Variants in MGST1 observed in about 807,000 individuals in gnomAD.
MGST1 encodes microsomal glutathione S-transferase 1.
A neutral mutation model predicts 8.9 loss-of-function variants in MGST1; 5 were observed. The ratio of observed to expected loss-of-function variants is 0.56; its 90% confidence interval spans 0.29 to 1.19. The LOEUF (loss-of-function observed/expected upper bound fraction) is 1.19. MGST1 is among the 50% of genes most tolerant of loss of function. MGST1 has a pLI of 0.08. For synonymous variants in MGST1, 54 were observed against 67.8 expected (o/e 0.80, Z 1.00); for missense variants, 182 against 187.4 (o/e 0.97, Z 0.17).
chr12:16,420,360 C>T (rs554577243), intron 1 of MGST1, among the ~76,000 whole-genome samples: 1 of 152,288 alleles, frequency 6.6e-6, no homozygotes, highest in South Asian at 2.1e-4. Context: ...ACACACATTA[C>T]TTGGCATGAA....
chr12:16,393,436 C>T (rs898178155), intron 1 of MGST1, among the ~76,000 whole-genome samples: 2 of 152,164 alleles, frequency 1.3e-5, no homozygotes, highest in Admixed American at 1.3e-4. Context: ...AAACCTGCAA[C>T]GAGAGGCTGC....
intron 4 of MGST1, among the ~76,000 whole-genome samples, chr12:16,583,593 T>C (rs1023660762): frequency 2.6e-5 from 4 of 152,004 alleles, no homozygotes; most frequent in African/African-American, 9.7e-5. Flanking sequence ...TAAAGATAAA[T>C]GGAAAAGCAG....
chr12:16,498,710 C>G (rs1467450032), intron 4 of MGST1, among the ~76,000 whole-genome samples: 3 of 152,108 alleles, frequency 2.0e-5, no homozygotes, highest in African/African-American at 7.2e-5. Flanking sequence ...TTTCCATGAT[C>G]AAATGATATG....
At chr12:16,501,979 T>C (rs151025539) in intron 4 of MGST1, among the ~76,000 whole-genome samples, 10 of 152,258 alleles carry the variant, frequency 6.6e-5, no homozygotes, top group African/African-American at 2.4e-4. Context: ...ATAAACTTTA[T>C]CAATATTTAA....
intron 1 of MGST1, chr12:16,349,070 A>G (rs890294660): frequency 1.3e-5 from 2 of 152,174 alleles, no homozygotes. Context: ...CGATGCCTTC[A>G]GGAAATGCTA....
intron 3 of MGST1, among the ~76,000 whole-genome samples, chr12:16,358,078 A>C (rs1306063136): frequency 6.6e-6 from 1 of 152,226 alleles, no homozygotes; most frequent in Non-Finnish European, 1.5e-5. Flanking sequence ...CATAAGATTC[A>C]AAATAAGAAT....
chr12:16,542,380 G>A (rs530697865), intron 4 of MGST1, among the ~76,000 whole-genome samples: 8 of 152,254 alleles, frequency 5.3e-5, no homozygotes, highest in African/African-American at 1.9e-4. Flanking sequence ...GTCCTTAAAA[G>A]CCCAAAGAAT....
At chr12:16,383,811 TATC>T (rs1007807649) in intron 1 of MGST1, among the ~76,000 whole-genome samples, 3 of 152,232 alleles carry the variant, frequency 2.0e-5, no homozygotes, top group Non-Finnish European at 4.4e-5. Context: ...GTGGGGACAA[TATC>T]ATAATATAAC....
chr12:16,526,852 A>T (rs1211285169), intron 4 of MGST1, among the ~76,000 whole-genome samples: 1 of 151,996 alleles, frequency 6.6e-6, no homozygotes, highest in African/African-American at 2.4e-5. Context: ...CCTGGGTCAG[A>T]GTCAGGGCTG....
intron 1 of MGST1, among the ~76,000 whole-genome samples, chr12:16,425,692 C>T (rs1417710166): frequency 6.6e-6 from 1 of 152,192 alleles, no homozygotes; most frequent in Non-Finnish European, 1.5e-5. Context: ...GAAAAGGCAG[C>T]TGCTCAAGAA....
At chr12:16,405,647 T>G (rs1047263363) in intron 1 of MGST1, among the ~76,000 whole-genome samples, 6 of 152,116 alleles carry the variant, frequency 3.9e-5, no homozygotes, top group Non-Finnish European at 5.9e-5. Flanking sequence ...TGATGAACAT[T>G]GAGCAAAAAT....
intron 1 of MGST1, among the ~76,000 whole-genome samples, chr12:16,421,334 C>T (rs753045301): frequency 1.3e-5 from 2 of 152,124 alleles, no homozygotes; most frequent in African/African-American, 2.4e-5. Context: ...CCTGATGTAA[C>T]CCAGTAACAG....
intron 4 of MGST1, among the ~76,000 whole-genome samples, chr12:16,491,609 T>G (rs74732611): frequency 0.018 from 2,057 of 117,012 alleles, 49 homozygotes; most frequent in African/African-American, 0.049. Flanking sequence ...GCACCGATTT[T>G]AAACTGAATA....
chr12:16,364,386 AT>A lies in MGST1; in HGVS notation c.*346del. ...ATATTTCAATACTGCTGAAACAGAC[AT>A]GAAATAAAGAATTTAAAGAATGATT... is the stretch of plus-strand genomic sequence containing the variant. On this transcript the variant is annotated 3_prime_UTR_variant, in exon 4 of 4. Transcript: ENST00000396210. The surrounding 1 kb of genome is among the most constrained non-coding windows in gnomAD (Gnocchi z 5.7). The A allele has an allele frequency of 1.0e-6, 1 of 994,710 alleles. No homozygotes were observed. Among genetic ancestry groups the A allele is most frequent in the Non-Finnish European group, 1.2e-6 (1 of 834,212 alleles). 61.6% of individuals were successfully genotyped at this position (994,710 alleles called of 1,614,324 possible).
intron 1 of MGST1, among the ~76,000 whole-genome samples, chr12:16,398,898 G>T (rs776959194): frequency 6.6e-6 from 1 of 152,182 alleles, no homozygotes; most frequent in African/African-American, 2.4e-5. Context: ...CATGATATGG[G>T]TTATTAAGGG....
intron 3 of MGST1, among the ~76,000 whole-genome samples, chr12:16,359,840 T>C (rs2136973058): frequency 6.6e-6 from 1 of 152,302 alleles, no homozygotes; most frequent in East Asian, 1.9e-4. Context: ...CAAGTAAGTC[T>C]CCTGTGTGAA....
At chr12:16,532,174 G>A (rs567566978) in intron 4 of MGST1, among the ~76,000 whole-genome samples, 1 of 152,236 alleles carries the variant, frequency 6.6e-6, no homozygotes, top group South Asian at 2.1e-4. Context: ...TCTCCCAGAT[G>A]TTACAGATTG....
At chr12:16,374,160 T>C (rs1350169091) in intron 3 of MGST1, among the ~76,000 whole-genome samples, 1 of 152,108 alleles carries the variant, frequency 6.6e-6, no homozygotes, top group Non-Finnish European at 1.5e-5. Context: ...TCATAGCCAA[T>C]GCCAAGTAGT....
downstream of MGST1, among the ~76,000 whole-genome samples, chr12:16,382,096 G>A (rs1940461915): frequency 6.6e-6 from 1 of 151,940 alleles, no homozygotes; most frequent in Non-Finnish European, 1.5e-5. Flanking sequence ...TCCTCCTGTA[G>A]CTCGGAGTAG....
Sources: allele counts gnomAD v4.1 joint callset (sites outside exome capture counted in the v4.1 genomes callset), GRCh38; gene constraint gnomAD v4.1.1; non-coding constraint Gnocchi (gnomAD v3.1); transcripts MANE v1.5; gene names NCBI Gene and HGNC (gene_info 2026-07-23, HGNC 2026-07-21).